Variants in FAM199X observed in about 807,000 individuals in gnomAD.
FAM199X encodes the protein family with sequence similarity 199, X-linked.
A neutral mutation model predicts 22.9 loss-of-function variants in FAM199X; 4 were observed. That is an observed-to-expected ratio of 0.17 (90% CI 0.09 to 0.40). The LOEUF (loss-of-function observed/expected upper bound fraction) is 0.40. FAM199X is among the 10% of genes least tolerant of loss of function. The probability of loss-of-function intolerance (pLI) is 1.00; values close to 1 mark genes in which losing one functional copy is unlikely to be tolerated. For synonymous variants in FAM199X, 101 were observed against 112.3 expected (o/e 0.90, Z 0.64); for missense variants, 183 against 306.8 (o/e 0.60, Z 3.01).
intron 2 of FAM199X, among the ~76,000 whole-genome samples, chrX:104,178,419 G>A (rs782194104): frequency 3.6e-5 from 4 of 111,010 alleles, no homozygotes; most frequent in Non-Finnish European, 5.7e-5. Flanking sequence ...TGCCTGCCTC[G>A]GCCTCCCAAA....
chrX:104,162,691 A>T (rs1000536481), upstream of FAM199X, among the ~76,000 whole-genome samples: 11 of 112,192 alleles, frequency 9.8e-5, no homozygotes, highest in African/African-American at 3.6e-4. Flanking sequence ...AGTCTTTTCA[A>T]TAAGTAATGT....
At chrX:104,177,333 T>C (rs1751554000) in intron 2 of FAM199X, among the ~76,000 whole-genome samples, 2 of 112,289 alleles carry the variant, frequency 1.8e-5, no homozygotes, top group South Asian at 7.3e-4. Flanking sequence ...TGTGTAGATG[T>C]ACAGTACCAC....
In FAM199X at chrX:104,193,623, A is replaced by G. The variant is rs1921992050; in HGVS notation, c.*3845A>G. ...GTCCGTTTATAGTTTGGGACAATTAATAGGAAAATCCCCAGTTGCATTCAA... is the reference window on the plus strand; with the variant it reads ...GTCCGTTTATAGTTTGGGACAATTAGTAGGAAAATCCCCAGTTGCATTCAA... On this transcript the variant is annotated 3_prime_UTR_variant, in exon 6 of 6. Coordinates refer to ENST00000493442, the MANE Select transcript of FAM199X (RefSeq NM_207318.4). 9.0e-6 allele frequency: 1 copy of G among 111,727 alleles called. No homozygotes were observed. The highest frequency in any genetic ancestry group is 1.9e-5 in the Non-Finnish European group (1 of 52,959). The allele number at this position is 111,727 out of a possible 1,213,427, so 9.2% of individuals were successfully genotyped here.
chrX:104,166,869 C>T lies in FAM199X; in HGVS notation c.84C>T (p.Arg28=). 8.3e-7 allele frequency: 1 copy of T among 1,206,614 alleles called. No homozygotes were observed. The highest frequency in any genetic ancestry group is 1.1e-6 in the Non-Finnish European group (1 of 892,518). Residue 28 remains arginine, a synonymous_variant, in exon 1 of 6, where the codon CGC becomes CGT. Transcript: ENST00000493442. ...CCTTCCCACTCCTGGGACCTCCTCG[C>T]GGGGTGGGCACCTGCCCGAGCGAGG... ...EEPFPLLGPP[R]GVGTCPSEEP... is the part of the protein sequence containing the mutation.
At chrX:104,172,614 G>A (rs1921386753) in intron 1 of FAM199X, among the ~76,000 whole-genome samples, 1 of 110,248 alleles carries the variant, frequency 9.1e-6, no homozygotes, top group Admixed American at 9.7e-5. Context: ...CATTGACTTT[G>A]CCCAAAGGTA....
At chrX:104,174,041 G>A (rs868923925) in intron 1 of FAM199X, among the ~76,000 whole-genome samples, 2 of 111,638 alleles carry the variant, frequency 1.8e-5, no homozygotes, top group African/African-American at 6.5e-5. Flanking sequence ...TTGGGAGGCT[G>A]GGGCGGACAG....
chrX:104,167,018 C>T (rs782693505), intron 1 of FAM199X, 36 bp downstream of exon 1: 7 of 1,070,260 alleles, frequency 6.5e-6, no homozygotes, highest in Non-Finnish European at 8.6e-6. Flanking sequence ...GTGGATTTTC[C>T]ACTTCTGGTC....
upstream of FAM199X, among the ~76,000 whole-genome samples, chrX:104,162,547 C>T (rs1921066804): frequency 8.9e-6 from 1 of 112,190 alleles, no homozygotes; most frequent in Non-Finnish European, 1.9e-5. Flanking sequence ...GCCTACTCTT[C>T]TAAAAGCCCA....
At position 104,172,003 on chromosome X, in the gene FAM199X, T is replaced by G. The variant is rs1921363936; in HGVS notation, c.198-3620T>G. ...ACTGCCAAATTGCTTTTAAGAAAGA[T>G]TATGTCAACTTAGACTGTCACTGGC... On this transcript the variant is annotated intron_variant, in intron 1 of 5. Transcript: ENST00000493442. 5.4e-5 allele frequency among the ~76,000 whole-genome samples: 6 copies of G among 111,649 alleles called. No homozygotes were observed. In the Admixed American group the frequency reaches 5.7e-4, roughly 11 times the overall value.
chrX:104,185,942 A>G, intron 2 of FAM199X, 124 bp from the exon 3 acceptor site: 2 of 694,786 alleles, frequency 2.9e-6, no homozygotes, highest in African/African-American at 4.3e-5. Flanking sequence ...CTCTTAGCAC[A>G]GCCAGCAGCA....
At chrX:104,181,031 A>T (rs1225334929) in intron 2 of FAM199X, among the ~76,000 whole-genome samples, 1 of 112,263 alleles carries the variant, frequency 8.9e-6, no homozygotes, top group African/African-American at 3.2e-5. Context: ...ATATTTGAGT[A>T]GTCTTAAGAG....
intron 1 of FAM199X, among the ~76,000 whole-genome samples, chrX:104,167,427 G>T (rs930794503): frequency 9.1e-6 from 1 of 109,958 alleles, no homozygotes; most frequent in Non-Finnish European, 1.9e-5. Flanking sequence ...GCGTTGAAAG[G>T]TGGAACATTT....
chrX:104,175,490 G>A (rs1452413184), intron 1 of FAM199X, 133 bp from the exon 2 acceptor site: 3 of 501,225 alleles, frequency 6.0e-6, no homozygotes, highest in Non-Finnish European at 9.6e-6. Flanking sequence ...TTCCTTAAAA[G>A]GTAGGGGCTC....
intron 1 of FAM199X, among the ~76,000 whole-genome samples, chrX:104,174,407 G>C (rs1161613250): frequency 9.0e-6 from 1 of 111,341 alleles, no homozygotes; most frequent in Non-Finnish European, 1.9e-5. Context: ...TTTATATACT[G>C]CCCTGGGGAG....
At chrX:104,159,154 A>G in the FAM199X span, among the ~76,000 whole-genome samples, 11 of 112,308 alleles carry the variant, frequency 9.8e-5, no homozygotes, top group African/African-American at 3.6e-4. Context: ...AAAGAGAAAA[A>G]TCCTGATGCA....
intron 1 of FAM199X, among the ~76,000 whole-genome samples, chrX:104,169,569 AT>A (rs782095421): frequency 0.02 from 2,184 of 107,120 alleles, 63 homozygotes; most frequent in African/African-American, 0.07. Context: ...CAATATTCAG[AT>A]TTTTTTTTTT....
chrX:104,167,651 C>T (rs782307304), intron 1 of FAM199X, among the ~76,000 whole-genome samples: 5 of 111,006 alleles, frequency 4.5e-5, no homozygotes, highest in Non-Finnish European at 9.4e-5. Context: ...CTTCATATGA[C>T]ATATCCCTTG....
chrX:104,183,140 A>AT (rs1451225622), intron 2 of FAM199X, among the ~76,000 whole-genome samples: 2 of 111,173 alleles, frequency 1.8e-5, no homozygotes, highest in Non-Finnish European at 3.8e-5. Context: ...ATTTAGGTGA[A>AT]TTTTTTTTAT....
rs1444982434 is a variant in FAM199X, at chrX:104,194,633, A to G, written c.*4855A>G. 4 of 112,288 alleles carry G rather than the reference A, an allele frequency of 3.6e-5. No individual in the cohort carries two copies. Among genetic ancestry groups the G allele is most frequent in the Non-Finnish European group, 3.8e-5 (2 of 53,169 alleles). 9.3% of individuals were successfully genotyped at this position (112,288 alleles called of 1,213,427 possible). A position where few individuals can be genotyped will look rare whatever the true frequency, so the allele number is the denominator to read the frequency against. ...ATTTGAGTACTCTCACTTAACAAGT[A>G]TTATCTATTCTGAACCTTTGTGTTG... On this transcript the variant is annotated 3_prime_UTR_variant, in exon 6 of 6. Transcript: ENST00000493442.
Sources: gnomAD v4.1 joint callset for allele counts (sites outside exome capture counted in the v4.1 genomes callset) on GRCh38, gnomAD v4.1.1 for gene constraint, MANE v1.5 for transcripts, NCBI Gene and HGNC (gene_info 2026-07-23, HGNC 2026-07-21) for gene names.